Variants in COL23A1 observed in about 807,000 individuals in gnomAD.
COL23A1 encodes collagen type XXIII alpha 1 chain, also known as collagen alpha-1(XXIII) chain.
A neutral mutation model predicts 99.3 loss-of-function variants in COL23A1; 97 were observed. That is an observed-to-expected ratio of 0.98 (90% CI 0.83 to 1.16). The LOEUF is 1.16. COL23A1 is among the 50% of genes most tolerant of loss of function. COL23A1 has a pLI of 0.00. For synonymous variants in COL23A1, 320 were observed against 308.2 expected, an observed-to-expected ratio of 1.04 and a Z score of -0.40; for missense variants, 762 against 757.4, an observed-to-expected ratio of 1.01 and a Z score of -0.07.
chr5:178,572,952 G>A (rs1425411156), intron 1 of COL23A1, among the ~76,000 whole-genome samples: 3 of 152,148 alleles, frequency 2.0e-5, no homozygotes, highest in South Asian at 2.1e-4. Context: ...GAAACCAGAC[G>A]AACAAAGAGT....
intron 7 of COL23A1, among the ~76,000 whole-genome samples, chr5:178,267,857 A>G (rs1755991728): frequency 6.6e-6 from 1 of 152,226 alleles, no homozygotes; most frequent in African/African-American, 2.4e-5. Context: ...TGACAAGAAC[A>G]TTGAGACCAT....
intron 2 of COL23A1, among the ~76,000 whole-genome samples, chr5:178,516,092 C>T (rs1241484069): frequency 2.0e-5 from 3 of 152,168 alleles, no homozygotes; most frequent in Non-Finnish European, 4.4e-5. Context: ...CCAAATACTC[C>T]ACGGCACCCT....
rs1452726609 is a variant in COL23A1, at chr5:178,403,125, AAT to A, written c.362-96208_362-96207del. Among the ~76,000 whole-genome samples, 39 of 107,520 alleles carry A rather than the reference AAT, an allele frequency of 3.6e-4. 5 individuals carry two copies. The highest frequency in any genetic ancestry group is 1.5e-3 in the African/African-American group (39 of 26,330). 70.5% of individuals were successfully genotyped at this position (107,520 alleles called of 152,430 possible). On this transcript the variant is annotated intron_variant, in intron 2 of 28. Transcript: ENST00000390654. Reference sequence around the variant, plus strand: ...CTCCATCTCAAAAAAAAAAAAAATAAATAAATAAAAAATAAATACCATTTACC... The same window carrying A: ...CTCCATCTCAAAAAAAAAAAAAATAAAAATAAAAAATAAATACCATTTACC...
rs373851731 is a variant in COL23A1, at chr5:178,258,435, C to T, written c.730-868G>A. Among the ~76,000 whole-genome samples the T allele has an allele frequency of 3.0e-3, 382 of 129,200 alleles. 1 individual carries two copies. Among genetic ancestry groups the T allele is most frequent in the African/African-American group, 0.01 (360 of 35,190 alleles). 84.8% of individuals were successfully genotyped at this position (129,200 alleles called of 152,430 possible). A position where few individuals can be genotyped will look rare whatever the true frequency, so the allele number is the denominator to read the frequency against. On this transcript the variant is annotated intron_variant, in intron 12 of 28. Coordinates refer to ENST00000390654, the MANE Select transcript of COL23A1 (RefSeq NM_173465.4). ...TTTTGTAAGGTGAGTCTCACTCTGT[C>T]GCCCAGGTTGGAGTGCAGTGGCACA...
At chr5:178,274,110 C>G (rs937199310) in intron 5 of COL23A1, among the ~76,000 whole-genome samples, 1 of 152,260 alleles carries the variant, frequency 6.6e-6, no homozygotes, top group Admixed American at 6.5e-5. Context: ...CTCTGCGGAA[C>G]AGGTTTCTTT....
At chr5:178,427,709 A>G (rs1380859042) in intron 2 of COL23A1, among the ~76,000 whole-genome samples, 2 of 152,232 alleles carry the variant, frequency 1.3e-5, no homozygotes, top group Non-Finnish European at 2.9e-5. Flanking sequence ...AGCTATCTGA[A>G]AAGGCCACAT....
At position 178,477,470 on chromosome 5, in the gene COL23A1, CT is replaced by C. The variant is rs563581700; in HGVS notation, c.361+83211del. ...ATCCATCTTGACTGAAAACAAATGG[CT>C]TGTTTAAATGAAAAGCAGACAGCAG... On this transcript the variant is annotated intron_variant, in intron 2 of 28. Transcript: ENST00000390654. Among the ~76,000 whole-genome samples the C allele has an allele frequency of 3.9e-5, 6 of 152,286 alleles. No individual in the cohort carries two copies. The East Asian group carries it at 1.2e-3, about 29-fold the overall frequency.
rs1758512866 is a variant in COL23A1 at position 178,308,911 on chromosome 5, T to C, written c.362-1992A>G. Among the ~76,000 whole-genome samples, 1 of 152,060 alleles carries C rather than the reference T, an allele frequency of 6.6e-6. No individual in the cohort carries two copies. Among genetic ancestry groups the C allele is most frequent in the African/African-American group, 2.4e-5 (1 of 41,414 alleles). ...GAGCCCCCCGGCACACGCAGCACCA[T>C]GTTCCTCGGGCTGTAGGAGGAAGAA... On this transcript the variant is annotated intron_variant, in intron 2 of 28. Transcript: ENST00000390654. This position sits in a 1 kb window ranked among gnomAD's most constrained non-coding sequence, Gnocchi z 5.1.
chr5:178,460,872 G>A (rs1165567453), intron 2 of COL23A1, among the ~76,000 whole-genome samples: 1 of 152,198 alleles, frequency 6.6e-6, no homozygotes, highest in African/African-American at 2.4e-5. Flanking sequence ...GTCAGTGCGG[G>A]AGGGAAGAGA....
intron 2 of COL23A1, among the ~76,000 whole-genome samples, chr5:178,528,175 G>A (rs912155342): frequency 6.6e-6 from 1 of 152,014 alleles, no homozygotes; most frequent in South Asian, 2.1e-4. Context: ...CTCACCTCCT[G>A]GAAACCCTTG....
chr5:178,276,330 TG>T (rs1208676836), intron 5 of COL23A1, among the ~76,000 whole-genome samples: 1 of 152,224 alleles, frequency 6.6e-6, no homozygotes, highest in African/African-American at 2.4e-5. Flanking sequence ...CGGCCAGAGC[TG>T]GGGGCCTGTC....
chr5:178,423,339 C>A (rs1330835034), intron 2 of COL23A1, among the ~76,000 whole-genome samples: 1 of 152,152 alleles, frequency 6.6e-6, no homozygotes, highest in Non-Finnish European at 1.5e-5. Flanking sequence ...ACAATACTAT[C>A]TGGTAATCCT....
In COL23A1 at chr5:178,358,536, GTGTA is replaced by G. The variant is rs774494159; in HGVS notation, c.362-51621_362-51618del. Among the ~76,000 whole-genome samples the G allele has an allele frequency of 1.6e-4, 23 of 142,166 alleles. No homozygotes were observed. The East Asian group carries it at 1.7e-3, about 10-fold the overall frequency. The allele number at this position is 142,166 out of a possible 152,430, so 93.3% of individuals were successfully genotyped here. Reference sequence around the variant, plus strand: ...GTATGTGTGTATGTATGTCTAGTGTGTGTATGTGTGTGTATGTGTACGTGTGTAT... The same window carrying G: ...GTATGTGTGTATGTATGTCTAGTGTGTGTGTGTGTATGTGTACGTGTGTAT... On this transcript the variant is annotated intron_variant, in intron 2 of 28. Transcript: ENST00000390654.
chr5:178,352,436 T>G lies in COL23A1; in HGVS notation c.362-45517A>C, dbSNP rs190034467. 1.4e-4 allele frequency among the ~76,000 whole-genome samples: 21 copies of G among 152,336 alleles called. 2 individuals carry two copies. In the East Asian group the frequency reaches 4.0e-3, roughly 29 times the overall value. ...GAATGAACGTGGAGGAGGGAAGAGA[T>G]GAGACAAACCCCCACGACCTTAGGT... On this transcript the variant is annotated intron_variant, in intron 2 of 28. Transcript: ENST00000390654.
chr5:178,352,736 G>T (rs1353427625), intron 2 of COL23A1, among the ~76,000 whole-genome samples: 1 of 152,172 alleles, frequency 6.6e-6, no homozygotes, highest in African/African-American at 2.4e-5. Flanking sequence ...GAGTGCAGTG[G>T]TCTGCCTGCT....
intron 2 of COL23A1, among the ~76,000 whole-genome samples, chr5:178,401,392 G>A (rs1764441090): frequency 6.6e-6 from 1 of 152,262 alleles, no homozygotes; most frequent in East Asian, 1.9e-4. Flanking sequence ...TCATAGAAAT[G>A]AAGCATAAAG....
At chr5:178,370,351 T>C (rs1762731251) in intron 2 of COL23A1, among the ~76,000 whole-genome samples, 1 of 152,236 alleles carries the variant, frequency 6.6e-6, no homozygotes, top group African/African-American at 2.4e-5. Context: ...GAGGAAATCC[T>C]GTCATTTGAG....
intron 3 of COL23A1, among the ~76,000 whole-genome samples, chr5:178,292,761 G>A (rs1757529567): frequency 6.6e-6 from 1 of 152,214 alleles, no homozygotes; most frequent in Admixed American, 6.5e-5. Context: ...TTCAGCAACT[G>A]AAAGGATGGG....
chr5:178,500,971 A>G (rs1051048808), intron 2 of COL23A1, among the ~76,000 whole-genome samples: 1 of 152,184 alleles, frequency 6.6e-6, no homozygotes, highest in Admixed American at 6.5e-5. Flanking sequence ...TGACTTCTCG[A>G]CTAAGGATTA....
Sources: allele counts gnomAD v4.1 joint callset (sites outside exome capture counted in the v4.1 genomes callset), GRCh38; gene constraint gnomAD v4.1.1; non-coding constraint Gnocchi (gnomAD v3.1); transcripts MANE v1.5; gene names NCBI Gene and HGNC (gene_info 2026-07-23, HGNC 2026-07-21).